Variants in PCDHA4 observed in about 807,000 individuals in gnomAD.
The protein encoded by PCDHA4 is protocadherin alpha 4, also known as protocadherin alpha-4.
PCDHA4 carries 49 observed loss-of-function variants against 61.4 expected under a neutral mutation model. That is an observed-to-expected ratio of 0.80 (90% CI 0.63 to 1.01). The LOEUF (loss-of-function observed/expected upper bound fraction) is 1.01, where lower values mean the gene tolerates loss of function less well. Ranked by LOEUF, PCDHA4 falls within the 50% of genes least tolerant of loss-of-function variation. The probability of loss-of-function intolerance (pLI) is 0.00; values close to 1 mark genes in which losing one functional copy is unlikely to be tolerated. For synonymous variants in PCDHA4, 590 were observed against 550.3 expected (o/e 1.07, Z -1.01); for missense variants, 1,254 against 1,235.8 (o/e 1.01, Z -0.22).
intron 1 of PCDHA4, chr5:140,967,972 G>C: frequency 1.2e-6 from 2 of 1,614,190 alleles, no homozygotes; most frequent in Non-Finnish European, 1.7e-6. Flanking sequence ...AAGTGAGCCT[G>C]GGTCTGGAGG....
At chr5:140,846,834 G>C (rs1780700950) in intron 1 of PCDHA4, among the ~76,000 whole-genome samples, 1 of 149,596 alleles carries the variant, frequency 6.7e-6, no homozygotes, top group Non-Finnish European at 1.5e-5. Flanking sequence ...AAGAATATGA[G>C]TCACACAATG....
At chr5:140,820,794 G>T (rs1310374282) in intron 1 of PCDHA4, among the ~76,000 whole-genome samples, 2 of 151,976 alleles carry the variant, frequency 1.3e-5, no homozygotes, top group Admixed American at 6.5e-5. Flanking sequence ...AAGTACAAAG[G>T]TATGTATTTT....
At chr5:140,925,689 G>C (rs1341368297) in intron 1 of PCDHA4, among the ~76,000 whole-genome samples, 1 of 147,806 alleles carries the variant, frequency 6.8e-6, no homozygotes, top group Non-Finnish European at 1.5e-5. Flanking sequence ...AGCGAGGGTG[G>C]GTATCTAGCC....
intron 1 of PCDHA4, among the ~76,000 whole-genome samples, chr5:140,908,509 A>G (rs1458307706): frequency 1.3e-5 from 2 of 152,116 alleles, no homozygotes; most frequent in Non-Finnish European, 2.9e-5. Flanking sequence ...TGACTTGATG[A>G]CCCATAGTCA....
chr5:140,829,449 C>A, intron 1 of PCDHA4: 4 of 1,613,926 alleles, frequency 2.5e-6, no homozygotes, highest in Non-Finnish European at 3.4e-6. Flanking sequence ...GACAATGCTC[C>A]GGCGTTCGCG....
At chr5:140,917,318 A>G (rs961734758) in intron 1 of PCDHA4, among the ~76,000 whole-genome samples, 1 of 99,850 alleles carries the variant, frequency 1.0e-5, no homozygotes, top group South Asian at 3.3e-4. Context: ...TTTGGTGTTC[A>G]TGTGGCGGGG....
intron 1 of PCDHA4, among the ~76,000 whole-genome samples, chr5:140,977,937 T>C (rs1264352481): frequency 5.3e-5 from 8 of 152,162 alleles, no homozygotes; most frequent in African/African-American, 1.9e-4. Flanking sequence ...TATACCTCAA[T>C]ATTCAGTGAC....
In PCDHA4 at chr5:140,868,915, G is replaced by C. The variant is rs1164548445; in HGVS notation, c.2385+59343G>C. On this transcript the variant is annotated intron_variant, in intron 1 of 3. Coordinates refer to ENST00000530339, the MANE Select transcript of PCDHA4 (RefSeq NM_018907.4). ...GCAAGGTGTCGCTCTTTACTTGGTG[G>C]AAAGTTCATTTAAAGGTTGGTCTGA... The C allele has an allele frequency of 7.4e-6, 7 of 948,738 alleles. No individual in the cohort carries two copies. In the East Asian group the frequency reaches 1.6e-4, roughly 22 times the overall value. The allele number at this position is 948,738 out of a possible 1,614,324, so 58.8% of individuals were successfully genotyped here. A position where few individuals can be genotyped will look rare whatever the true frequency, so the allele number is the denominator to read the frequency against.
intron 1 of PCDHA4, among the ~76,000 whole-genome samples, chr5:140,918,947 G>T (rs56003): frequency 0.32 from 48,109 of 152,058 alleles, 7,963 homozygotes; most frequent in East Asian, 0.53. Context: ...ATAATATCCT[G>T]AACAGACTAA....
At chr5:140,832,339 T>C (rs2150201116) in intron 1 of PCDHA4, among the ~76,000 whole-genome samples, 1 of 152,330 alleles carries the variant, frequency 6.6e-6, no homozygotes, top group Admixed American at 6.5e-5. Context: ...GACTGAGTTG[T>C]GGTTTGTGTT....
rs931844758 is a variant in PCDHA4 at position 140,867,293 on chromosome 5, A to G, written c.2385+57721A>G. 2.6e-5 allele frequency: 4 copies of G among 152,096 alleles called. No homozygotes were observed. The South Asian group carries it at 6.2e-4, about 24-fold the overall frequency. The allele number at this position is 152,096 out of a possible 1,614,324, so 9.4% of individuals were successfully genotyped here. The stretch of plus-strand genomic sequence containing the variant: ...ATAAACCTGATGTGCTTCAAATATC[A>G]TGTTGAATATACTGTCATCTGGTCT... On this transcript the variant is annotated intron_variant, in intron 1 of 3. Coordinates refer to ENST00000530339, the MANE Select transcript of PCDHA4 (RefSeq NM_018907.4).
intron 1 of PCDHA4, chr5:140,841,090 C>T: frequency 1.8e-6 from 1 of 559,860 alleles, no homozygotes; most frequent in East Asian, 3.0e-5. Flanking sequence ...CATAGAAGAA[C>T]CCAGATATTG....
At chr5:140,867,824 G>A (rs1258393601) in intron 1 of PCDHA4, 1 of 151,982 alleles carries the variant, frequency 6.6e-6, no homozygotes, top group African/African-American at 2.4e-5. Flanking sequence ...ATTTCCACAA[G>A]CACTAAGGTA....
At chr5:141,009,312 A>G (rs1355833857) in intron 3 of PCDHA4, among the ~76,000 whole-genome samples, 1 of 152,160 alleles carries the variant, frequency 6.6e-6, no homozygotes, top group Non-Finnish European at 1.5e-5. Context: ...TTAAAAAGCT[A>G]GCCTGGCATG....
At chr5:140,987,960 C>G (rs2097275437) in intron 3 of PCDHA4, among the ~76,000 whole-genome samples, 1 of 152,120 alleles carries the variant, frequency 6.6e-6, no homozygotes, top group African/African-American at 2.4e-5. Flanking sequence ...AACCAACTCC[C>G]CATGGAAAGA....
At chr5:140,840,103 A>T (rs1298281251) in intron 1 of PCDHA4, among the ~76,000 whole-genome samples, 2 of 152,168 alleles carry the variant, frequency 1.3e-5, no homozygotes, top group East Asian at 1.9e-4. Flanking sequence ...ATTTTAGTGA[A>T]ATCGAGTGAA....
At position 140,857,632 on chromosome 5, in the gene PCDHA4, G is replaced by C; in HGVS notation, c.2385+48060G>C. On this transcript the variant is annotated intron_variant, in intron 1 of 3. Transcript: ENST00000530339. ...AGCCGCTGGACCACGAGGAGCTGGA[G>C]CTGCTACAGTTCCAGGTGAGCGCGC... 1.9e-6 allele frequency: 3 copies of C among 1,596,770 alleles called. 1 individual carries two copies. Among genetic ancestry groups the C allele is most frequent in the Non-Finnish European group, 2.6e-6 (3 of 1,167,764 alleles).
chr5:140,877,377 C>T (rs575601254), intron 1 of PCDHA4: 2 of 1,614,008 alleles, frequency 1.2e-6, no homozygotes, highest in Non-Finnish European at 1.7e-6. Context: ...GCACGACACG[C>T]ATCCTGGATG....
At chr5:140,867,383 G>T in intron 1 of PCDHA4, 1 of 152,136 alleles carries the variant, frequency 6.6e-6, no homozygotes, top group East Asian at 1.9e-4. Flanking sequence ...TGGAATTAAC[G>T]GTTATAAAAG....
Sources: gnomAD v4.1 joint callset for allele counts (sites outside exome capture counted in the v4.1 genomes callset) on GRCh38, gnomAD v4.1.1 for gene constraint, MANE v1.5 for transcripts, NCBI Gene and HGNC (gene_info 2026-07-23, HGNC 2026-07-21) for gene names.